RIMS1: variants seen among roughly 807,000 people sequenced by gnomAD.
RIMS1 encodes the protein regulating synaptic membrane exocytosis 1.
Under a neutral mutation model 214.1 loss-of-function variants are expected in RIMS1, and 83 were observed. That is an observed-to-expected ratio of 0.39 (90% CI 0.32 to 0.47). The LOEUF (loss-of-function observed/expected upper bound fraction) is 0.47, where lower values mean the gene tolerates loss of function less well. RIMS1 is among the 20% of genes least tolerant of loss of function. The pLI is 0.99. For missense variants in RIMS1, 2,050 were observed against 2,161.8 expected, an observed-to-expected ratio of 0.95 and a Z score of 1.03; for synonymous variants, 793 against 786.8, an observed-to-expected ratio of 1.01 and a Z score of -0.13.
intron 29 of RIMS1, among the ~76,000 whole-genome samples, chr6:72,344,951 G>A (rs375959628): frequency 2.0e-5 from 3 of 151,712 alleles, no homozygotes; most frequent in Non-Finnish European, 4.4e-5. Context: ...GTATTTCAGG[G>A]TTTGGAGGAG....
At chr6:72,175,531 G>A (rs1404002646) in intron 4 of RIMS1, among the ~76,000 whole-genome samples, 1 of 151,996 alleles carries the variant, frequency 6.6e-6, no homozygotes, top group East Asian at 1.9e-4. Context: ...AAATTAGCTG[G>A]GCGTGGGGGC....
At position 72,088,680 on chromosome 6, in the gene RIMS1, C is replaced by T. The variant is rs373723230; in HGVS notation, c.246-8269C>T. Among the ~76,000 whole-genome samples the T allele has an allele frequency of 2.0e-5, 3 of 152,240 alleles. No individual in the cohort carries two copies. The East Asian group carries it at 5.8e-4, about 29-fold the overall frequency. ...GCTCAAACTATTAGTAGGTACTTTTCAGACATGTTATAACAGTTATTACAA... is the reference window on the plus strand; with the variant it reads ...GCTCAAACTATTAGTAGGTACTTTTTAGACATGTTATAACAGTTATTACAA... On this transcript the variant is annotated intron_variant, in intron 2 of 33. Coordinates refer to ENST00000521978, the MANE Select transcript of RIMS1 (RefSeq NM_014989.7).
At chr6:71,906,642 C>T (rs767354039) in intron 1 of RIMS1, among the ~76,000 whole-genome samples, 1 of 151,966 alleles carries the variant, frequency 6.6e-6, no homozygotes, top group Admixed American at 6.6e-5. Context: ...ATGCATGGAG[C>T]GGAGTGCCTG....
At chr6:71,955,640 G>C (rs1791032614) in intron 1 of RIMS1, among the ~76,000 whole-genome samples, 1 of 152,082 alleles carries the variant, frequency 6.6e-6, no homozygotes, top group South Asian at 2.1e-4. Flanking sequence ...TAATGTATAT[G>C]TATATGTACA....
chr6:72,161,194 C>G (rs538228840), intron 4 of RIMS1, among the ~76,000 whole-genome samples: 1 of 140,962 alleles, frequency 7.1e-6, no homozygotes, highest in South Asian at 2.3e-4. Context: ...ATAGTATTCT[C>G]TGATGGTAGT....
At chr6:71,911,209 T>C (rs1776795654) in intron 1 of RIMS1, among the ~76,000 whole-genome samples, 1 of 152,154 alleles carries the variant, frequency 6.6e-6, no homozygotes, top group African/African-American at 2.4e-5. Flanking sequence ...AAGGGCCATG[T>C]TGCATTAAAA....
intron 4 of RIMS1, among the ~76,000 whole-genome samples, chr6:72,112,120 AC>A (rs1267815144): frequency 2.0e-5 from 3 of 152,174 alleles, no homozygotes; most frequent in Non-Finnish European, 2.9e-5. Context: ...ATTAAAGTTA[AC>A]AAAACTAAAA....
intron 22 of RIMS1, among the ~76,000 whole-genome samples, chr6:72,269,931 CT>C (rs1319697992): frequency 6.6e-6 from 1 of 152,138 alleles, no homozygotes; most frequent in Non-Finnish European, 1.5e-5. Context: ...ACCTCCTCCC[CT>C]GTCCTCAGTC....
intron 1 of RIMS1, among the ~76,000 whole-genome samples, chr6:71,939,113 T>A (rs1468782712): frequency 6.6e-6 from 1 of 152,192 alleles, no homozygotes; most frequent in Admixed American, 6.5e-5. Context: ...ATTCCTAGGA[T>A]GTGGACACAG....
chr6:72,036,253 T>C (rs1010877126), intron 2 of RIMS1, among the ~76,000 whole-genome samples: 2 of 152,192 alleles, frequency 1.3e-5, no homozygotes, highest in African/African-American at 4.8e-5. Flanking sequence ...AAGGAGTTTC[T>C]TAATTTTCCA....
intron 4 of RIMS1, among the ~76,000 whole-genome samples, chr6:72,127,680 G>C (rs931020366): frequency 1.3e-4 from 20 of 152,162 alleles, no homozygotes; most frequent in African/African-American, 4.6e-4. Flanking sequence ...CTGAGGCCCT[G>C]TTCCTCTGGT....
chr6:72,296,007 C>G (rs1330631306), intron 26 of RIMS1: 8 of 296,352 alleles, frequency 2.7e-5, no homozygotes, highest in Non-Finnish European at 4.1e-5. Flanking sequence ...AATATTGTTA[C>G]TTTTAAAAAT....
At chr6:72,250,002 T>G (rs2072411386) in intron 12 of RIMS1, among the ~76,000 whole-genome samples, 1 of 152,126 alleles carries the variant, frequency 6.6e-6, no homozygotes. Flanking sequence ...ATTTTTAACA[T>G]TTAAGAACAA....
At chr6:72,010,027 A>G (rs1225604518) in intron 2 of RIMS1, among the ~76,000 whole-genome samples, 1 of 152,190 alleles carries the variant, frequency 6.6e-6, no homozygotes, top group Non-Finnish European at 1.5e-5. Context: ...AACAACAACA[A>G]AAAAGAGAAT....
intron 24 of RIMS1, among the ~76,000 whole-genome samples, chr6:72,289,272 G>A (rs535011977): frequency 6.6e-6 from 1 of 152,210 alleles, no homozygotes; most frequent in South Asian, 2.1e-4. Flanking sequence ...GAAGTTTATT[G>A]TCATGATAAT....
At chr6:72,054,038 AT>A (rs1825436309) in intron 2 of RIMS1, among the ~76,000 whole-genome samples, 1 of 151,958 alleles carries the variant, frequency 6.6e-6, no homozygotes, top group African/African-American at 2.4e-5. Flanking sequence ...TAAGCCCTGC[AT>A]GCATTAGCTA....
At chr6:72,016,637 C>G (rs1322521346) in intron 2 of RIMS1, among the ~76,000 whole-genome samples, 1 of 152,046 alleles carries the variant, frequency 6.6e-6, no homozygotes, top group Non-Finnish European at 1.5e-5. Flanking sequence ...ACAAATTTTG[C>G]CAGTGTTCTT....
rs79785373 is a variant in RIMS1 at position 72,129,991 on chromosome 6, C to T, written c.471+30005C>T. On this transcript the variant is annotated intron_variant, in intron 4 of 33. Coordinates refer to ENST00000521978, the MANE Select transcript of RIMS1 (RefSeq NM_014989.7). The stretch of plus-strand genomic sequence containing the variant: ...GTTTTCTTTTCTACCTACATTATTT[C>T]AGGATAATATCATTTTCAGTCTTGT... Among the ~76,000 whole-genome samples the T allele has an allele frequency of 5.3e-3, 806 of 152,156 alleles. 7 individuals are homozygous for T. The highest frequency in any genetic ancestry group is 0.018 in the African/African-American group (767 of 41,526).
chr6:72,333,325 C>T (rs1002689108), intron 28 of RIMS1, among the ~76,000 whole-genome samples: 5 of 151,826 alleles, frequency 3.3e-5, no homozygotes, highest in Non-Finnish European at 5.9e-5. Flanking sequence ...TTCATCTCCC[C>T]ATGCATGGCA....
Sources: allele counts gnomAD v4.1 joint callset (sites outside exome capture counted in the v4.1 genomes callset), GRCh38; gene constraint gnomAD v4.1.1; transcripts MANE v1.5; gene names NCBI Gene and HGNC (gene_info 2026-07-23, HGNC 2026-07-21).